LHFPL3: variants seen among roughly 807,000 people sequenced by gnomAD.
LHFPL3 encodes the protein LHFPL tetraspan subfamily member 3, also known as LHFPL tetraspan subfamily member 3 protein.
Under a neutral mutation model 19.3 loss-of-function variants are expected in LHFPL3, and 5 were observed. The observed-to-expected ratio is 0.26, with a 90% CI of 0.14 to 0.54. The LOEUF is 0.54. Among genes scored for constraint, LHFPL3 ranks in the 20% least tolerant of loss-of-function variants. The pLI is 0.94. For synonymous variants in LHFPL3, 133 were observed against 126.2 expected, an observed-to-expected ratio of 1.05 and a Z score of -0.36; for missense variants, 249 against 307.4, an observed-to-expected ratio of 0.81 and a Z score of 1.42.
chr7:104,592,954 AG>A (rs1790758003), intron 1 of LHFPL3, among the ~76,000 whole-genome samples: 1 of 152,174 alleles, frequency 6.6e-6, no homozygotes, highest in Non-Finnish European at 1.5e-5. Flanking sequence ...CCATTGTAAA[AG>A]CACAGGATTA....
intron 1 of LHFPL3, among the ~76,000 whole-genome samples, chr7:104,472,651 G>A (rs1396580238): frequency 2.0e-5 from 3 of 152,050 alleles, no homozygotes; most frequent in Non-Finnish European, 4.4e-5. Flanking sequence ...CCATTATTAT[G>A]TAACTCGTTT....
At chr7:104,590,829 A>T (rs967143001) in intron 1 of LHFPL3, among the ~76,000 whole-genome samples, 19 of 152,256 alleles carry the variant, frequency 1.2e-4, no homozygotes, top group Admixed American at 4.6e-4. Context: ...TAGGATAGTT[A>T]GCTCTTCTTG....
chr7:104,875,793 T>C (rs1791927356), intron 2 of LHFPL3, among the ~76,000 whole-genome samples: 2 of 152,244 alleles, frequency 1.3e-5, no homozygotes, highest in Non-Finnish European at 2.9e-5. Flanking sequence ...CATTTATTGA[T>C]CACCACTGTG....
intron 1 of LHFPL3, among the ~76,000 whole-genome samples, chr7:104,445,272 A>G (rs545406629): frequency 1.3e-5 from 2 of 152,306 alleles, no homozygotes; most frequent in South Asian, 4.1e-4. Flanking sequence ...GCTTCAGTAT[A>G]TAGTGATATG....
chr7:104,622,921 CA>C (rs749794484), intron 1 of LHFPL3: 10 of 256,128 alleles, frequency 3.9e-5, no homozygotes, highest in Non-Finnish European at 6.6e-5. Flanking sequence ...TTTACATTCC[CA>C]GCAGCAGTGA....
At chr7:104,728,800 G>A (rs571594256) in intron 1 of LHFPL3, among the ~76,000 whole-genome samples, 1 of 151,938 alleles carries the variant, frequency 6.6e-6, no homozygotes. Context: ...CCCTTTCCTG[G>A]TCACTGTATC....
At chr7:104,402,975 A>G (rs1791343794) in intron 1 of LHFPL3, among the ~76,000 whole-genome samples, 1 of 152,192 alleles carries the variant, frequency 6.6e-6, no homozygotes, top group Non-Finnish European at 1.5e-5. Context: ...CACACACTGC[A>G]CATTCTCACT....
At chr7:104,727,307 G>C (rs764922076) in intron 1 of LHFPL3, among the ~76,000 whole-genome samples, 9 of 152,082 alleles carry the variant, frequency 5.9e-5, no homozygotes, top group Non-Finnish European at 1.0e-4. Flanking sequence ...AGTTTCTTCT[G>C]TATGGAAGCT....
intron 2 of LHFPL3, among the ~76,000 whole-genome samples, chr7:104,868,723 G>T (rs186244944): frequency 1.8e-4 from 28 of 152,026 alleles, no homozygotes; most frequent in Non-Finnish European, 3.2e-4. Context: ...TGGAAAAAAC[G>T]ACTTTAAAGT....
intron 1 of LHFPL3, among the ~76,000 whole-genome samples, chr7:104,705,853 T>C (rs982612092): frequency 6.6e-6 from 1 of 152,178 alleles, no homozygotes; most frequent in South Asian, 2.1e-4. Flanking sequence ...TTCAGATGAG[T>C]GGGGTCTGGC....
chr7:104,687,321 G>A (rs1792825363), intron 1 of LHFPL3, among the ~76,000 whole-genome samples: 5 of 152,236 alleles, frequency 3.3e-5, no homozygotes, highest in Admixed American at 3.3e-4. Flanking sequence ...CCCTCCAGGA[G>A]ACTTCATGTG....
At chr7:104,430,227 A>G (rs1216518507) in intron 1 of LHFPL3, among the ~76,000 whole-genome samples, 1 of 150,364 alleles carries the variant, frequency 6.7e-6, no homozygotes, top group Non-Finnish European at 1.5e-5. Flanking sequence ...TCTGTTCTCT[A>G]TGAAAGATAA....
At chr7:104,886,110 G>A (rs147169111) in intron 2 of LHFPL3, among the ~76,000 whole-genome samples, 51 of 152,244 alleles carry the variant, frequency 3.3e-4, no homozygotes, top group African/African-American at 1.1e-3. Flanking sequence ...ATTTATTTGC[G>A]TATTGTCTAT....
chr7:104,528,177 A>G (rs1470804678), intron 1 of LHFPL3, among the ~76,000 whole-genome samples: 1 of 152,202 alleles, frequency 6.6e-6, no homozygotes, highest in African/African-American at 2.4e-5. Context: ...TGTTGATTTG[A>G]TCATTTCAAA....
chr7:104,702,414 A>T (rs919095167), intron 1 of LHFPL3, among the ~76,000 whole-genome samples: 2 of 152,090 alleles, frequency 1.3e-5, no homozygotes, highest in Admixed American at 1.3e-4. Flanking sequence ...AATATCTACT[A>T]ATCCTTAATT....
At chr7:104,671,589 A>G (rs911495371) in intron 1 of LHFPL3, among the ~76,000 whole-genome samples, 11 of 151,640 alleles carry the variant, frequency 7.3e-5, no homozygotes, top group African/African-American at 2.7e-4. Context: ...AAAAAAAAGA[A>G]AGAAATACAA....
chr7:104,623,003 AT>A, intron 1 of LHFPL3: 1 of 372,340 alleles, frequency 2.7e-6, no homozygotes, highest in South Asian at 2.0e-5. Flanking sequence ...TCTCATTGTA[AT>A]TTTTGATTTG....
chr7:104,362,689 C>T (rs1790409505), intron 1 of LHFPL3, among the ~76,000 whole-genome samples: 1 of 152,198 alleles, frequency 6.6e-6, no homozygotes, highest in Non-Finnish European at 1.5e-5. Context: ...ACTGTACACC[C>T]AGCTAAATGG....
At chr7:104,517,017 A>G (rs190042292) in intron 1 of LHFPL3, among the ~76,000 whole-genome samples, 1 of 152,174 alleles carries the variant, frequency 6.6e-6, no homozygotes, top group African/African-American at 2.4e-5. Context: ...CCGGAGGTCA[A>G]TATCCTTAGC....
Sources: gnomAD v4.1 joint callset for allele counts (sites outside exome capture counted in the v4.1 genomes callset) on GRCh38, gnomAD v4.1.1 for gene constraint, MANE v1.5 for transcripts, NCBI Gene and HGNC (gene_info 2026-07-23, HGNC 2026-07-21) for gene names.